The following NUP88 variants were observed in gnomAD, a reference collection of about 807,000 sequenced individuals.
The protein encoded by NUP88 is nuclear pore complex protein Nup88.
NUP88 carries 57 observed loss-of-function variants against 93.9 expected under a neutral mutation model. The observed-to-expected ratio is 0.61, with a 90% confidence interval of 0.49 to 0.76. The LOEUF (loss-of-function observed/expected upper bound fraction) is 0.76. NUP88 is among the 30% of genes least tolerant of loss of function. The probability of loss-of-function intolerance (pLI) is 0.00; values close to 1 mark genes in which losing one functional copy is unlikely to be tolerated. For missense variants in NUP88, 911 were observed against 901.0 expected (o/e 1.01, Z -0.14); for synonymous variants, 346 against 336.8 (o/e 1.03, Z -0.30).
intron 14 of NUP88, 37 bp from the exon 15 acceptor site, chr17:5,387,147 C>G (rs1374274094): frequency 6.2e-7 from 1 of 1,605,778 alleles, no homozygotes. Context: ...AATTTAAGGT[C>G]TCTACTAATT....
intron 3 of NUP88, among the ~76,000 whole-genome samples, chr17:5,413,186 G>A (rs556996985): frequency 6.6e-6 from 1 of 152,236 alleles, no homozygotes; most frequent in Admixed American, 6.5e-5. Flanking sequence ...TGCCCACATT[G>A]GTCTCGAACT....
intron 11 of NUP88, 61 bp downstream of exon 11, chr17:5,388,741 C>T (rs951973317): frequency 6.3e-6 from 9 of 1,431,074 alleles, no homozygotes; most frequent in Non-Finnish European, 7.7e-6. Context: ...AAAGGATGCA[C>T]AGTAATTCTG....
At chr17:5,410,548 A>G (rs896088097) in intron 4 of NUP88, among the ~76,000 whole-genome samples, 155 bp downstream of exon 4, 2 of 152,196 alleles carry the variant, frequency 1.3e-5, no homozygotes, top group African/African-American at 4.8e-5. Context: ...CCTGGCCAAC[A>G]CGACGAATCC....
At chr17:5,392,498 C>A (rs1912501668) in intron 9 of NUP88, among the ~76,000 whole-genome samples, 1 of 152,138 alleles carries the variant, frequency 6.6e-6, no homozygotes, top group Non-Finnish European at 1.5e-5. Context: ...GACATGGAGA[C>A]GATATCTGGA....
In NUP88 at chr17:5,419,500, G is replaced by GCGA; in HGVS notation, c.148_150dup (p.Ser50dup). On this transcript the variant is annotated inframe_insertion, in exon 1 of 17. Transcript: ENST00000573584. ...TTTCTCGTCAGCAACTGCGGCGGCGGCGACGAAGGCAACGACGAAGAAGCT... is the reference window on the plus strand; with the variant it reads ...TTTCTCGTCAGCAACTGCGGCGGCGGCGACGACGAAGGCAACGACGAAGAAGCT... 1.9e-6 allele frequency: 3 copies of GCGA among 1,614,010 alleles called. No homozygotes were observed. The highest frequency in any genetic ancestry group is 2.5e-6 in the Non-Finnish European group (3 of 1,179,968).
intron 2 of NUP88, among the ~76,000 whole-genome samples, chr17:5,415,142 C>A (rs748934136): frequency 6.6e-6 from 1 of 151,926 alleles, no homozygotes; most frequent in Non-Finnish European, 1.5e-5. Flanking sequence ...GCCTTAACCT[C>A]CTGAGTAGCT....
At chr17:5,387,208 G>A (rs1912057636) in intron 14 of NUP88, 98 bp from the exon 15 acceptor site, 1 of 1,432,334 alleles carries the variant, frequency 7.0e-7, no homozygotes, top group Non-Finnish European at 9.6e-7. Context: ...TGTTTCTGAA[G>A]TAGGCCCCAT....
Position 5,385,171 on chromosome 17 carries a change from C to CTT in NUP88, c.*1033_*1034dup. 1 of 229,940 alleles carries CTT rather than the reference C, an allele frequency of 4.3e-6. No homozygotes were observed. The highest frequency in any genetic ancestry group is 8.6e-6 in the Non-Finnish European group (1 of 116,028). The allele number at this position is 229,940 out of a possible 1,614,324, so 14.2% of individuals were successfully genotyped here. On this transcript the variant is annotated 3_prime_UTR_variant, in exon 17 of 17. Transcript: ENST00000573584. ...TTGTAGAAAAACCCAAACTGAGACT[C>CTT]TTAAGTTTTGTTTAGCAATGTGTTT...
chr17:5,392,079 C>A (rs1806237), intron 9 of NUP88, among the ~76,000 whole-genome samples: 1 of 152,002 alleles, frequency 6.6e-6, no homozygotes. Flanking sequence ...TCACTTGGCA[C>A]GCACAGCGTG....
At chr17:5,399,190 C>CTTTTTTT (rs536801907) in intron 8 of NUP88, among the ~76,000 whole-genome samples, 2 of 123,454 alleles carry the variant, frequency 1.6e-5, no homozygotes, top group Non-Finnish European at 1.6e-5. Flanking sequence ...CGCACCCGGC[C>CTTTTTTT]TTTTTTTTTT....
intron 5 of NUP88, 56 bp from the exon 6 acceptor site, chr17:5,405,299 C>T (rs918103313): frequency 1.4e-6 from 2 of 1,438,718 alleles, no homozygotes; most frequent in Admixed American, 3.7e-5. Flanking sequence ...ATGCTCATCC[C>T]ATAAAACCAT....
In NUP88 at chr17:5,408,045, C is replaced by T. The variant is rs116681916; in HGVS notation, c.857+688G>A. ...TTTAACGAGGTATTTTTAATTCCAG[C>T]AAATTTTCTCGGGACAGATACTCCA... On this transcript the variant is annotated intron_variant, in intron 5 of 16. Coordinates refer to ENST00000573584, the MANE Select transcript of NUP88 (RefSeq NM_002532.6). Among the ~76,000 whole-genome samples the T allele has an allele frequency of 4.7e-3, 714 of 152,254 alleles. 7 individuals carry two copies. The highest frequency in any genetic ancestry group is 0.016 in the African/African-American group (670 of 41,538).
chr17:5,387,448 C>T lies in NUP88; in HGVS notation c.1854G>A (p.Met618Ile), dbSNP rs1912081823. 1.2e-6 allele frequency: 2 copies of T among 1,614,046 alleles called. No individual in the cohort carries two copies. Among genetic ancestry groups the T allele is most frequent in the African/African-American group, 2.7e-5 (2 of 74,924 alleles). The change falls in exon 14 of 17, where the codon ATG (methionine) becomes ATA (isoleucine). Residue 618 changes from methionine to isoleucine, a missense_variant. Met to Ile is a conservative substitution (Grantham distance 10). Transcript: ENST00000573584. ...CATATTTGTCAGCTAAACGCTCAGC[C>T]ATTTCCCGCAGACTTTTCCTAATGA... ...CREERKSLRE[M>I]AERLADKYEE...
chr17:5,401,275 C>T (rs1431621768), intron 7 of NUP88, among the ~76,000 whole-genome samples: 5 of 152,054 alleles, frequency 3.3e-5, no homozygotes, highest in Non-Finnish European at 5.9e-5. Flanking sequence ...CCCAGCTACT[C>T]GGGAGGCTGA....
At chr17:5,417,837 T>TCAAAA (rs1208751851) in intron 1 of NUP88, among the ~76,000 whole-genome samples, 73 of 143,974 alleles carry the variant, frequency 5.1e-4, no homozygotes, top group African/African-American at 1.6e-3. Context: ...AGATCCTGCC[T>TCAAAA]CAAAACAAAA....
rs557768144 is a variant in NUP88, at chr17:5,390,726, C to G, written c.1484+835G>C. ...TTTTTGTTTTTTTTTTTAAAAGACA[C>G]AGGGTCTTGCTCTGTTACCCAGGCT... On this transcript the variant is annotated intron_variant, in intron 10 of 16. Coordinates refer to ENST00000573584, the MANE Select transcript of NUP88 (RefSeq NM_002532.6). Among the ~76,000 whole-genome samples the G allele has an allele frequency of 1.7e-3, 261 of 151,764 alleles. 1 individual carries two copies. Among genetic ancestry groups the G allele is most frequent in the South Asian group, 5.2e-3 (25 of 4,818 alleles).
intron 5 of NUP88, among the ~76,000 whole-genome samples, chr17:5,407,237 T>C (rs1204064959): frequency 6.6e-6 from 1 of 152,210 alleles, no homozygotes; most frequent in Non-Finnish European, 1.5e-5. Context: ...TCTGATTCTG[T>C]CTAGTGAATC....
intron 7 of NUP88, among the ~76,000 whole-genome samples, chr17:5,403,550 C>T (rs1913295034): frequency 1.3e-5 from 2 of 152,082 alleles, no homozygotes; most frequent in South Asian, 2.1e-4. Flanking sequence ...AATCCAGCTA[C>T]TTGGGAGGCT....
At chr17:5,396,942 G>T (rs78678757) in intron 8 of NUP88, among the ~76,000 whole-genome samples, 1 of 152,036 alleles carries the variant, frequency 6.6e-6, no homozygotes, top group Non-Finnish European at 1.5e-5. Flanking sequence ...AATGCTAAGG[G>T]TTCTTTATAT....
Sources: gnomAD v4.1 joint callset for allele counts (sites outside exome capture counted in the v4.1 genomes callset) on GRCh38, gnomAD v4.1.1 for gene constraint, MANE v1.5 for transcripts, NCBI Gene and HGNC (gene_info 2026-07-23, HGNC 2026-07-21) for gene names.